HPSE2: variants seen among roughly 807,000 people sequenced by gnomAD.
HPSE2 encodes inactive heparanase-2.
A neutral mutation model predicts 60.5 loss-of-function variants in HPSE2; 38 were observed. The observed-to-expected ratio is 0.63, with a 90% CI of 0.48 to 0.82. The LOEUF is 0.82. Ranked by LOEUF, HPSE2 falls within the 40% of genes least tolerant of loss-of-function variation. The pLI is 0.00. For synonymous variants in HPSE2, 295 were observed against 293.2 expected, an observed-to-expected ratio of 1.01 and a Z score of -0.06; for missense variants, 713 against 740.4, an observed-to-expected ratio of 0.96 and a Z score of 0.43.
chr10:99,186,079 T>C (rs1382997126), intron 2 of HPSE2, among the ~76,000 whole-genome samples: 1 of 121,814 alleles, frequency 8.2e-6, no homozygotes, highest in African/African-American at 3.2e-5. Context: ...CAATAAACAC[T>C]GATAACACTA....
rs576340456 is a variant in HPSE2, at chr10:98,597,606, G to T, written c.1320+17298C>A. Reference sequence around the variant, plus strand: ...GAATCGTTTGAACCCAGGAGGCAGAGGTTGCAGTGAGCCGAGATTGTGCCA... The same window carrying T: ...GAATCGTTTGAACCCAGGAGGCAGATGTTGCAGTGAGCCGAGATTGTGCCA... On this transcript the variant is annotated intron_variant, in intron 9 of 11. Transcript: ENST00000370552. 3.3e-5 allele frequency among the ~76,000 whole-genome samples: 5 copies of T among 151,996 alleles called. 1 individual carries two copies. In the South Asian group the frequency reaches 1.0e-3, roughly 32 times the overall value.
intron 6 of HPSE2, among the ~76,000 whole-genome samples, chr10:98,672,691 A>G (rs764912765): frequency 8.5e-5 from 13 of 152,188 alleles, no homozygotes; most frequent in Non-Finnish European, 1.8e-4. Context: ...CCCTTTCTCT[A>G]ATGACAGTAG....
intron 2 of HPSE2, among the ~76,000 whole-genome samples, chr10:99,170,429 T>G (rs1847263795): frequency 6.6e-6 from 1 of 152,210 alleles, no homozygotes; most frequent in Non-Finnish European, 1.5e-5. Flanking sequence ...CACTATAGTT[T>G]AATCTCCAGA....
intron 9 of HPSE2, among the ~76,000 whole-genome samples, chr10:98,570,269 G>A (rs1393459033): frequency 6.6e-6 from 1 of 152,116 alleles, no homozygotes; most frequent in Non-Finnish European, 1.5e-5. Context: ...CTTGCTGTCT[G>A]TTGTTTGCCC....
intron 3 of HPSE2, among the ~76,000 whole-genome samples, chr10:99,098,914 T>C (rs974277438): frequency 6.6e-6 from 1 of 152,214 alleles, no homozygotes; most frequent in African/African-American, 2.4e-5. Context: ...GATTTTAATA[T>C]AAGAGAAAAA....
chr10:98,547,841 A>G (rs1943739681), intron 9 of HPSE2, among the ~76,000 whole-genome samples: 1 of 152,138 alleles, frequency 6.6e-6, no homozygotes, highest in African/African-American at 2.4e-5. Context: ...AAACACACAC[A>G]CACACACACA....
chr10:98,888,135 AACACACACACACACAC>A lies in HPSE2; in HGVS notation c.611-144095_611-144080del, dbSNP rs3043548. ...TGCAAAAGGGATAGGTTTTAAAACAAACACACACACACACACACACACACACACACACACACACATG... is the reference window on the plus strand; with the variant it reads ...TGCAAAAGGGATAGGTTTTAAAACAAACACACACACACACACACACACATG... On this transcript the variant is annotated intron_variant, in intron 3 of 11. Transcript: ENST00000370552. Among the ~76,000 whole-genome samples the A allele has an allele frequency of 1.8e-3, 257 of 140,806 alleles. 3 individuals carry two copies. Among genetic ancestry groups the A allele is most frequent in the African/African-American group, 6.1e-3 (233 of 38,478 alleles). The allele number at this position is 140,806 out of a possible 152,430, so 92.4% of individuals were successfully genotyped here. A position where few individuals can be genotyped will look rare whatever the true frequency, so the allele number is the denominator to read the frequency against.
At chr10:98,679,302 T>C (rs1381168744) in intron 6 of HPSE2, among the ~76,000 whole-genome samples, 1 of 152,212 alleles carries the variant, frequency 6.6e-6, no homozygotes, top group Non-Finnish European at 1.5e-5. Flanking sequence ...ACCCCTTCAG[T>C]AGTCCTTGAG....
chr10:98,712,431 T>C (rs1948697149), intron 5 of HPSE2, among the ~76,000 whole-genome samples: 1 of 152,082 alleles, frequency 6.6e-6, no homozygotes, highest in Non-Finnish European at 1.5e-5. Context: ...AGTCTGTGTA[T>C]AGGAATACAG....
intron 3 of HPSE2, among the ~76,000 whole-genome samples, chr10:98,946,602 G>T (rs1237089774): frequency 6.6e-6 from 1 of 151,934 alleles, no homozygotes; most frequent in Non-Finnish European, 1.5e-5. Context: ...CAGCAGTTCT[G>T]GGAACTAAAA....
intron 6 of HPSE2, among the ~76,000 whole-genome samples, chr10:98,668,031 CA>C (rs1296772660): frequency 6.6e-6 from 1 of 152,044 alleles, no homozygotes; most frequent in Admixed American, 6.6e-5. Flanking sequence ...ATAGAAAACC[CA>C]AAAGGCTCCT....
intron 2 of HPSE2, among the ~76,000 whole-genome samples, chr10:99,162,227 A>G (rs991510825): frequency 7.9e-5 from 12 of 152,194 alleles, no homozygotes; most frequent in South Asian, 4.1e-4. Context: ...TAAAAACTCT[A>G]ACAGAAATAA....
chr10:99,246,564 T>C, the HPSE2 span, among the ~76,000 whole-genome samples: 1 of 152,278 alleles, frequency 6.6e-6, no homozygotes, highest in Middle Eastern at 3.4e-3. Context: ...CTGGCCAACA[T>C]GGTGAAACCC....
At chr10:98,809,170 T>C (rs1187758448) in intron 3 of HPSE2, among the ~76,000 whole-genome samples, 1 of 152,140 alleles carries the variant, frequency 6.6e-6, no homozygotes, top group Non-Finnish European at 1.5e-5. Context: ...TTCACTATAG[T>C]TGCATTTGTC....
At chr10:98,769,708 G>A (rs943309351) in intron 3 of HPSE2, among the ~76,000 whole-genome samples, 13 of 152,096 alleles carry the variant, frequency 8.5e-5, no homozygotes, top group Non-Finnish European at 1.3e-4. Context: ...AAGAAAAGAG[G>A]TCACCAAATA....
chr10:98,835,311 C>A (rs1195503758), intron 3 of HPSE2, among the ~76,000 whole-genome samples: 3 of 151,814 alleles, frequency 2.0e-5, no homozygotes, highest in Non-Finnish European at 2.9e-5. Context: ...CTGTAAGAAA[C>A]AGAAAAGGAT....
chr10:98,602,768 G>A (rs1290626369), intron 9 of HPSE2, among the ~76,000 whole-genome samples: 3 of 152,106 alleles, frequency 2.0e-5, no homozygotes, highest in Non-Finnish European at 2.9e-5. Context: ...AAAGAATGAT[G>A]TTGAATCTCT....
intron 3 of HPSE2, among the ~76,000 whole-genome samples, chr10:98,869,050 T>G (rs915388075): frequency 6.6e-6 from 1 of 152,098 alleles, no homozygotes; most frequent in African/African-American, 2.4e-5. Context: ...TGTGAGTATG[T>G]GTATGTGTGC....
intron 3 of HPSE2, among the ~76,000 whole-genome samples, chr10:98,837,112 CT>C (rs1476970714): frequency 2.6e-5 from 4 of 152,160 alleles, no homozygotes; most frequent in African/African-American, 9.7e-5. Flanking sequence ...TAAAAAACAT[CT>C]TCATAGCAAT....
Sources: allele counts gnomAD v4.1 joint callset (sites outside exome capture counted in the v4.1 genomes callset), GRCh38; gene constraint gnomAD v4.1.1; transcripts MANE v1.5; gene names NCBI Gene and HGNC (gene_info 2026-07-23, HGNC 2026-07-21).